LRRC39: variants seen among roughly 807,000 people sequenced by gnomAD.
LRRC39 encodes the protein leucine rich repeat containing 39, also known as leucine-rich repeat-containing protein 39.
A neutral mutation model predicts 39.7 loss-of-function variants in LRRC39; 35 were observed. That is an observed-to-expected ratio of 0.88 (90% CI 0.67 to 1.17). The LOEUF (loss-of-function observed/expected upper bound fraction) is 1.17, where lower values mean the gene tolerates loss of function less well. LRRC39 is among the 50% of genes most tolerant of loss of function. The pLI is 0.00. For missense variants in LRRC39, 357 were observed against 385.8 expected (o/e 0.93, Z 0.62); for synonymous variants, 113 against 134.1 (o/e 0.84, Z 1.09).
chr1:100,176,442 A>C (rs532896778), intron 1 of LRRC39, among the ~76,000 whole-genome samples: 11 of 152,358 alleles, frequency 7.2e-5, no homozygotes, highest in South Asian at 2.1e-4. Flanking sequence ...AACAAACAAA[A>C]AAAAGGAATG....
intron 9 of LRRC39, chr1:100,149,701 A>T (rs1189165346): frequency 3.6e-6 from 1 of 280,760 alleles, no homozygotes; most frequent in Admixed American, 5.5e-5. Context: ...TTTAGGCCTT[A>T]TTTAACTCAT....
intron 3 of LRRC39, among the ~76,000 whole-genome samples, chr1:100,168,046 T>C (rs1659366093): frequency 6.6e-6 from 1 of 152,056 alleles, no homozygotes; most frequent in Non-Finnish European, 1.5e-5. Context: ...GCTATTCAAA[T>C]AAATGAGAAT....
intron 3 of LRRC39, among the ~76,000 whole-genome samples, chr1:100,167,754 C>A (rs540452570): frequency 1.3e-5 from 2 of 148,824 alleles, no homozygotes; most frequent in South Asian, 4.3e-4. Flanking sequence ...CCAGCCTGGG[C>A]GACAGAGTGA....
At chr1:100,158,490 T>G (rs1019138212) in intron 5 of LRRC39, 123 bp from the exon 6 acceptor site, 4 of 774,708 alleles carry the variant, frequency 5.2e-6, no homozygotes, top group African/African-American at 3.6e-5. Flanking sequence ...CAGGCTGGAG[T>G]GCAGTGGCGC....
intron 2 of LRRC39, 93 bp downstream of exon 2, chr1:100,173,238 T>G (rs1456251947): frequency 6.7e-6 from 1 of 149,542 alleles, no homozygotes; most frequent in Non-Finnish European, 1.5e-5. Context: ...AGACTCTGTC[T>G]CAAAAAAAAA....
chr1:100,152,976 C>T (rs1167196393), intron 8 of LRRC39, among the ~76,000 whole-genome samples: 2 of 152,222 alleles, frequency 1.3e-5, no homozygotes, highest in African/African-American at 4.8e-5. Context: ...ATCTGCCTGC[C>T]TCAGCCTCCT....
At chr1:100,153,491 TAATC>T (rs1256845610) in intron 8 of LRRC39, among the ~76,000 whole-genome samples, 7 of 152,130 alleles carry the variant, frequency 4.6e-5, no homozygotes, top group East Asian at 1.9e-4. Context: ...GTAAAAGTAA[TAATC>T]AACAGTTAAT....
At chr1:100,150,954 C>A (rs1657944615) in intron 9 of LRRC39, among the ~76,000 whole-genome samples, 1 of 151,780 alleles carries the variant, frequency 6.6e-6, no homozygotes, top group Admixed American at 6.6e-5. Flanking sequence ...ATGGTGAAAC[C>A]CTGTCTCTAC....
At chr1:100,149,144 T>C (rs746493885) in intron 9 of LRRC39, 47 bp from the exon 10 acceptor site, 5 of 1,565,512 alleles carry the variant, frequency 3.2e-6, no homozygotes, top group Non-Finnish European at 4.3e-6. Context: ...TATTTCTGTT[T>C]GTATTAATTT....
chr1:100,173,650 C>T (rs891061986), intron 1 of LRRC39, among the ~76,000 whole-genome samples: 5 of 151,956 alleles, frequency 3.3e-5, no homozygotes, highest in Admixed American at 6.6e-5. Context: ...AAATAAAAGG[C>T]TTAAAGTTTG....
At chr1:100,162,810 G>GT (rs1658986105) in intron 3 of LRRC39, among the ~76,000 whole-genome samples, 1 of 152,172 alleles carries the variant, frequency 6.6e-6, no homozygotes, top group South Asian at 2.1e-4. Context: ...AAAGCATGAA[G>GT]TTTAACTAAT....
chr1:100,155,019 G>T lies in LRRC39; in HGVS notation c.812+32C>A, dbSNP rs750137394. On this transcript the variant is annotated intron_variant, in intron 8 of 9. Transcript: ENST00000370137. ...TTTTCTGTAGCCAGAAAGAAAGCAA[G>T]GTTTTTCAGTTTTGTGCCTACAACT... The T allele has an allele frequency of 6.6e-6, 10 of 1,520,496 alleles. No individual in the cohort carries two copies. The South Asian group carries it at 1.3e-4, about 20-fold the overall frequency. The allele number at this position is 1,520,496 out of a possible 1,614,324, so 94.2% of individuals were successfully genotyped here.
chr1:100,149,344 C>A (rs1380978561), intron 9 of LRRC39: 4 of 1,541,332 alleles, frequency 2.6e-6, no homozygotes, highest in East Asian at 4.9e-5. Flanking sequence ...AATTAATAAA[C>A]ACAATTAATT....
At chr1:100,164,166 A>AT (rs1659077804) in intron 3 of LRRC39, among the ~76,000 whole-genome samples, 1 of 152,082 alleles carries the variant, frequency 6.6e-6, no homozygotes, top group Non-Finnish European at 1.5e-5. Context: ...TAAGTACTTG[A>AT]TTTTTTCAAG....
rs757145558 is a variant in LRRC39 at position 100,156,158 on chromosome 1, G to A, written c.659+14C>T. The A allele has an allele frequency of 1.1e-4, 183 of 1,606,632 alleles. No homozygotes were observed. Among genetic ancestry groups the A allele is most frequent in the Non-Finnish European group, 1.4e-4 (166 of 1,176,806 alleles). Reference sequence around the variant, plus strand: ...AAGACTTTTATCATTAGCATAAAGAGTTATTTCTTTTACCTTTCTATAGTA... The same window carrying A: ...AAGACTTTTATCATTAGCATAAAGAATTATTTCTTTTACCTTTCTATAGTA... On this transcript the variant is annotated intron_variant, in intron 7 of 9. Coordinates refer to ENST00000370137, the MANE Select transcript of LRRC39 (RefSeq NM_144620.4).
rs1201108219 is a variant in LRRC39 at position 100,175,678 on chromosome 1, A to G, written c.-118-2308T>C. The stretch of plus-strand genomic sequence containing the variant: ...ATCTAGAATATATAACGAACTCCTT[A>G]AAATCAGCTGAAAAAGGCAACAGAA... On this transcript the variant is annotated intron_variant, in intron 1 of 9. Coordinates refer to ENST00000370137, the MANE Select transcript of LRRC39 (RefSeq NM_144620.4). 2.6e-5 allele frequency among the ~76,000 whole-genome samples: 4 copies of G among 152,212 alleles called. No individual in the cohort carries two copies. In the East Asian group the frequency reaches 7.7e-4, roughly 29 times the overall value.
At chr1:100,164,416 T>A (rs1317414183) in intron 3 of LRRC39, among the ~76,000 whole-genome samples, 2 of 152,196 alleles carry the variant, frequency 1.3e-5, no homozygotes, top group African/African-American at 4.8e-5. Context: ...GGGAGCTTGT[T>A]AGAGATCCAG....
rs139040911 is a variant in LRRC39, at chr1:100,148,641, G to C, written c.*401C>G. The C allele has an allele frequency of 6.2e-7, 1 of 1,607,954 alleles. No individual in the cohort carries two copies. Among genetic ancestry groups the C allele is most frequent in the African/African-American group, 1.3e-5 (1 of 74,782 alleles). On this transcript the variant is annotated 3_prime_UTR_variant, in exon 10 of 10. Coordinates refer to ENST00000370137, the MANE Select transcript of LRRC39 (RefSeq NM_144620.4). ...TCAATTTAGGCTTCTTAGTGTTGAA[G>C]AAAAGAAGAAAATAGGGCATCTTTG...
At chr1:100,166,622 G>A (rs374465652) in intron 3 of LRRC39, among the ~76,000 whole-genome samples, 8 of 152,264 alleles carry the variant, frequency 5.3e-5, no homozygotes, top group African/African-American at 1.4e-4. Context: ...TCTAAGCAGC[G>A]AAGCATTCAA....
Sources: allele counts gnomAD v4.1 joint callset (sites outside exome capture counted in the v4.1 genomes callset), GRCh38; gene constraint gnomAD v4.1.1; transcripts MANE v1.5; gene names NCBI Gene and HGNC (gene_info 2026-07-23, HGNC 2026-07-21).